ZMYND12: variants seen among roughly 807,000 people sequenced by gnomAD.
The protein encoded by ZMYND12 is zinc finger MYND domain-containing protein 12.
Under a neutral mutation model 41.7 loss-of-function variants are expected in ZMYND12, and 32 were observed. That is an observed-to-expected ratio of 0.77 (90% confidence interval 0.58 to 1.03). The LOEUF (loss-of-function observed/expected upper bound fraction) is 1.03, where lower values mean the gene tolerates loss of function less well. ZMYND12 is among the 50% of genes least tolerant of loss of function. ZMYND12 has a pLI of 0.00. For missense variants in ZMYND12, 424 were observed against 438.5 expected (o/e 0.97, Z 0.30); for synonymous variants, 148 against 164.8 (o/e 0.90, Z 0.78).
At chr1:42,441,980 C>T (rs1396757493) in intron 3 of ZMYND12, among the ~76,000 whole-genome samples, 1 of 152,006 alleles carries the variant, frequency 6.6e-6, no homozygotes, top group African/African-American at 2.4e-5. Context: ...ATTTTTGACC[C>T]ATGGTTGCTT....
chr1:42,452,697 C>T (rs910857916), intron 1 of ZMYND12, among the ~76,000 whole-genome samples: 1 of 151,612 alleles, frequency 6.6e-6, no homozygotes, highest in Non-Finnish European at 1.5e-5. Context: ...AGCAAGACTC[C>T]GTCTCAAAAA....
In ZMYND12 at chr1:42,436,505, A is replaced by C; in HGVS notation, c.633T>G (p.Ile211Met). 7 of 1,613,658 alleles carry C rather than the reference A, an allele frequency of 4.3e-6. No individual in the cohort carries two copies. The highest frequency in any genetic ancestry group is 5.9e-6 in the Non-Finnish European group (7 of 1,179,620). ...FASCAFGTEDIRTSGGYFHLA... is the reference protein window; with the variant it reads ...FASCAFGTEDMRTSGGYFHLA... ...GGTGGAAGTAGCCTCCTGAAGTCCT[A>C]ATGTCCTCTGTTCCAAATGCACAAC... The change falls in exon 5 of 8, where the codon ATT (isoleucine) becomes ATG (methionine). Residue 211 changes from isoleucine to methionine, a missense_variant. Physicochemically the swap from Ile to Met is conservative, Grantham distance 10. Coordinates refer to ENST00000372565, the MANE Select transcript of ZMYND12 (RefSeq NM_032257.5).
intron 3 of ZMYND12, among the ~76,000 whole-genome samples, chr1:42,445,449 A>T (rs180730473): frequency 3.3e-5 from 5 of 150,082 alleles, no homozygotes; most frequent in South Asian, 2.1e-4. Context: ...AAAAAAAAAA[A>T]GGGGAGACCC....
intron 3 of ZMYND12, among the ~76,000 whole-genome samples, chr1:42,448,000 T>C (rs909846045): frequency 6.6e-6 from 1 of 152,210 alleles, no homozygotes; most frequent in Non-Finnish European, 1.5e-5. Flanking sequence ...TAGTTTCTAC[T>C]GCCTACTTCA....
intron 5 of ZMYND12, among the ~76,000 whole-genome samples, chr1:42,436,030 G>A (rs1642904754): frequency 6.6e-6 from 1 of 152,058 alleles, no homozygotes; most frequent in Non-Finnish European, 1.5e-5. Context: ...TCATGTTCTT[G>A]GATCCCTTGA....
At chr1:42,438,845 G>T (rs1000004996) in intron 4 of ZMYND12, among the ~76,000 whole-genome samples, 2 of 152,188 alleles carry the variant, frequency 1.3e-5, no homozygotes, top group Admixed American at 1.3e-4. Context: ...CATGGAGACT[G>T]CAGTCTGACT....
chr1:42,435,125 C>A (rs186394293), intron 6 of ZMYND12, 149 bp downstream of exon 6: 1 of 635,538 alleles, frequency 1.6e-6, no homozygotes, highest in Admixed American at 2.5e-5. Flanking sequence ...CTTTGATCCC[C>A]GTGTCTCAGT....
intron 2 of ZMYND12, among the ~76,000 whole-genome samples, chr1:42,449,339 G>A (rs573804301): frequency 1.3e-5 from 2 of 152,190 alleles, no homozygotes; most frequent in South Asian, 2.1e-4. Flanking sequence ...GGATGTTATG[G>A]GCTGAACTGT....
intron 3 of ZMYND12, among the ~76,000 whole-genome samples, chr1:42,443,670 C>G (rs151329570): frequency 1.3e-5 from 2 of 152,230 alleles, no homozygotes; most frequent in East Asian, 3.9e-4. Flanking sequence ...CCCTTTGCAT[C>G]GGTGGTCTAA....
At chr1:42,433,756 A>G (rs1453354855) in intron 6 of ZMYND12, among the ~76,000 whole-genome samples, 1 of 152,188 alleles carries the variant, frequency 6.6e-6, no homozygotes, top group Non-Finnish European at 1.5e-5. Context: ...ATAGATGCGT[A>G]AGCAACAACC....
chr1:42,455,890 G>A lies in ZMYND12; in HGVS notation c.108C>T (p.Tyr36=), dbSNP rs1464381260. 6.2e-7 allele frequency: 1 copy of A among 1,610,316 alleles called. No homozygotes were observed. Residue 36 remains tyrosine, a splice_region_variant and synonymous_variant, in exon 1 of 8, where the codon TAC becomes TAT. Coordinates refer to ENST00000372565, the MANE Select transcript of ZMYND12 (RefSeq NM_032257.5). ...RVCAACTVTY[Y]CGVVHQKADW... ...AGGTGCCACGTTTCAGGGCCTACCA[G>A]TAATAAGTGACTGTGCAGGCCGCGC...
At chr1:42,454,384 T>G (rs1461019778) in intron 1 of ZMYND12, among the ~76,000 whole-genome samples, 2 of 152,212 alleles carry the variant, frequency 1.3e-5, no homozygotes, top group Admixed American at 6.5e-5. Context: ...AAATAAATGA[T>G]TTCAGTCCAT....
At chr1:42,447,311 A>T (rs1454831747) in intron 3 of ZMYND12, among the ~76,000 whole-genome samples, 1 of 152,232 alleles carries the variant, frequency 6.6e-6, no homozygotes, top group African/African-American at 2.4e-5. Context: ...GAGTCCCATC[A>T]TTAGGAAATA....
At chr1:42,455,821 A>G (rs1431350519) in intron 1 of ZMYND12, 67 bp downstream of exon 1, 4 of 1,311,516 alleles carry the variant, frequency 3.0e-6, no homozygotes, top group South Asian at 1.4e-5. Context: ...AAGGTACCCA[A>G]GCCAGACCCG....
chr1:42,451,591 T>C (rs537288195), intron 1 of ZMYND12, among the ~76,000 whole-genome samples: 2 of 152,198 alleles, frequency 1.3e-5, no homozygotes, highest in Non-Finnish European at 2.9e-5. Context: ...ACAGACAATA[T>C]ATAGCCATGT....
chr1:42,435,233 A>T (rs753238507), intron 6 of ZMYND12, 41 bp downstream of exon 6: 4 of 1,455,104 alleles, frequency 2.7e-6, no homozygotes, highest in Non-Finnish European at 3.9e-6. Flanking sequence ...ATTGGGTGAG[A>T]TGAAGTCACT....
chr1:42,446,800 GCA>G (rs1317637353), intron 3 of ZMYND12, among the ~76,000 whole-genome samples: 2 of 152,160 alleles, frequency 1.3e-5, no homozygotes, highest in African/African-American at 2.4e-5. Context: ...TACATCTAGT[GCA>G]CAGCTTTTGG....
chr1:42,432,074 T>TTTG (rs1642859420), intron 7 of ZMYND12, among the ~76,000 whole-genome samples: 1 of 150,006 alleles, frequency 6.7e-6, no homozygotes, highest in Non-Finnish European at 1.5e-5. Context: ...TTTTTTTTTT[T>TTTG]GAGACAGGAT....
rs916797581 is a variant in ZMYND12 at position 42,430,456 on chromosome 1, A to G, written c.*280T>C. The G allele has an allele frequency of 3.0e-6, 1 of 334,276 alleles. No individual in the cohort carries two copies. The highest frequency in any genetic ancestry group is 2.0e-5 in the African/African-American group (1 of 49,282). The allele number at this position is 334,276 out of a possible 1,614,324, so 20.7% of individuals were successfully genotyped here. ...TATTTGTAGTTTAATTACAAATACC[A>G]TATTAGTGATCTGACTACATATTAC... On this transcript the variant is annotated 3_prime_UTR_variant, in exon 8 of 8. Coordinates refer to ENST00000372565, the MANE Select transcript of ZMYND12 (RefSeq NM_032257.5).
Sources: allele counts gnomAD v4.1 joint callset (sites outside exome capture counted in the v4.1 genomes callset), GRCh38; gene constraint gnomAD v4.1.1; transcripts MANE v1.5; gene names NCBI Gene and HGNC (gene_info 2026-07-23, HGNC 2026-07-21).